Variants in SOX5 observed in about 807,000 individuals in gnomAD.
The protein encoded by SOX5 is transcription factor SOX-5.
A neutral mutation model predicts 92.0 loss-of-function variants in SOX5; 9 were observed. The ratio of observed to expected loss-of-function variants is 0.10; its 90% confidence interval spans 0.06 to 0.17. The LOEUF (loss-of-function observed/expected upper bound fraction) is 0.17. SOX5 is among the 10% of genes least tolerant of loss of function. The probability of loss-of-function intolerance (pLI) is 1.00; values close to 1 mark genes in which losing one functional copy is unlikely to be tolerated. For missense variants in SOX5, 642 were observed against 944.5 expected, an observed-to-expected ratio of 0.68 and a Z score of 4.20; for synonymous variants, 344 against 336.3, an observed-to-expected ratio of 1.02 and a Z score of -0.25.
intron 1 of SOX5, among the ~76,000 whole-genome samples, chr12:24,384,989 A>C (rs968622591): frequency 6.6e-6 from 1 of 152,150 alleles, no homozygotes; most frequent in Non-Finnish European, 1.5e-5. Flanking sequence ...TCACAAGAAG[A>C]AAGCTGAATC....
intron 5 of SOX5, among the ~76,000 whole-genome samples, chr12:23,735,559 A>T (rs899525468): frequency 6.6e-6 from 1 of 152,026 alleles, no homozygotes; most frequent in African/African-American, 2.4e-5. Context: ...TCAATTTTAG[A>T]CTTTGTTCTT....
intron 4 of SOX5, among the ~76,000 whole-genome samples, chr12:23,999,008 G>A (rs997239370): frequency 7.2e-5 from 11 of 151,866 alleles, no homozygotes; most frequent in African/African-American, 2.4e-4. Flanking sequence ...AATTTTAAAA[G>A]CACCAAGAGG....
intron 4 of SOX5, among the ~76,000 whole-genome samples, chr12:24,118,627 A>C (rs924028278): frequency 1.3e-5 from 2 of 152,132 alleles, no homozygotes; most frequent in Non-Finnish European, 2.9e-5. Context: ...GTAATTATTC[A>C]ATTGTAGGCA....
intron 1 of SOX5, among the ~76,000 whole-genome samples, chr12:24,549,559 G>A (rs1489823771): frequency 6.6e-6 from 1 of 152,220 alleles, no homozygotes; most frequent in Non-Finnish European, 1.5e-5. Flanking sequence ...GGTGTCAGAA[G>A]TGGCTTTTGT....
At chr12:24,336,216 C>T (rs1358933368) in intron 2 of SOX5, among the ~76,000 whole-genome samples, 3 of 151,116 alleles carry the variant, frequency 2.0e-5, no homozygotes, top group Middle Eastern at 3.2e-3. Context: ...TGCCTCAGCC[C>T]CCTGAGTAGC....
chr12:23,618,650 G>C (rs1446037002), intron 8 of SOX5, among the ~76,000 whole-genome samples: 1 of 152,102 alleles, frequency 6.6e-6, no homozygotes, highest in African/African-American at 2.4e-5. Flanking sequence ...CTATTTCAGG[G>C]ATCACCATAA....
At chr12:24,277,219 T>C (rs1944540039) in exon 3 of SOX5, 1 of 151,646 alleles carries the variant, frequency 6.6e-6, no homozygotes, top group Admixed American at 6.6e-5. Flanking sequence ...AATATACCTT[T>C]TTCCTACCCA....
intron 4 of SOX5, among the ~76,000 whole-genome samples, chr12:23,985,563 A>C (rs2136207268): frequency 6.6e-6 from 1 of 152,334 alleles, no homozygotes; most frequent in South Asian, 2.1e-4. Flanking sequence ...GGTTCTGCAT[A>C]AGAAACAAAC....
intron 4 of SOX5, among the ~76,000 whole-genome samples, chr12:24,097,072 G>C (rs1945510815): frequency 6.6e-6 from 1 of 152,072 alleles, no homozygotes; most frequent in African/African-American, 2.4e-5. Context: ...TTTAAATTCT[G>C]ACTGTCCTAG....
At chr12:23,863,763 G>T (rs1041969593) in intron 2 of SOX5, among the ~76,000 whole-genome samples, 10 of 149,286 alleles carry the variant, frequency 6.7e-5, no homozygotes, top group Non-Finnish European at 1.5e-4. Context: ...GAGCTATTTT[G>T]TCAACTCCTA....
chr12:24,334,080 T>A lies in SOX5; in HGVS notation c.-174+34483A>T, dbSNP rs150403228. 6.3e-4 allele frequency among the ~76,000 whole-genome samples: 95 copies of A among 151,568 alleles called. 1 individual carries two copies. Among genetic ancestry groups the A allele is most frequent in the African/African-American group, 2.2e-3 (93 of 41,512 alleles). ...GGGAATACAGTTATTTGGGAAATAC[T>A]CATACTATATACTATATACCAAATT... On this transcript the variant is annotated intron_variant, in intron 2 of 4. Coordinates refer to the SOX5 transcript ENST00000446891.
chr12:23,829,018 A>G (rs1049919221), intron 3 of SOX5, among the ~76,000 whole-genome samples: 1 of 151,940 alleles, frequency 6.6e-6, no homozygotes, highest in Admixed American at 6.6e-5. Flanking sequence ...GGAGTCCTTG[A>G]GGTGTCAGAA....
intron 2 of SOX5, among the ~76,000 whole-genome samples, chr12:23,890,024 A>T (rs988677636): frequency 1.3e-5 from 2 of 152,214 alleles, no homozygotes; most frequent in Admixed American, 6.5e-5. Context: ...ATTATTTTTT[A>T]AAATAAAAAT....
intron 1 of SOX5, among the ~76,000 whole-genome samples, chr12:23,914,186 A>AT (rs555587142): frequency 7.2e-4 from 109 of 151,828 alleles, no homozygotes; most frequent in South Asian, 5.6e-3. Flanking sequence ...ATGAAGTCTA[A>AT]TTTTTTTTTA....
chr12:24,409,281 T>C (rs1320135222), intron 1 of SOX5, among the ~76,000 whole-genome samples: 5 of 151,922 alleles, frequency 3.3e-5, no homozygotes, highest in Non-Finnish European at 5.9e-5. Context: ...GAGTTGAACA[T>C]TGAGAACACA....
chr12:23,778,774 G>A (rs555252359), intron 3 of SOX5, among the ~76,000 whole-genome samples: 2 of 152,184 alleles, frequency 1.3e-5, no homozygotes, highest in African/African-American at 4.8e-5. Flanking sequence ...AAAAATGAGA[G>A]GAAAATTATC....
chr12:24,471,159 A>C (rs1417126770), intron 1 of SOX5, among the ~76,000 whole-genome samples: 2 of 152,168 alleles, frequency 1.3e-5, no homozygotes, highest in Non-Finnish European at 2.9e-5. Flanking sequence ...AAGTTTCTAC[A>C]CATCCTTAGA....
intron 1 of SOX5, among the ~76,000 whole-genome samples, chr12:24,521,176 TC>T (rs1950230973): frequency 6.6e-6 from 1 of 152,168 alleles, no homozygotes; most frequent in South Asian, 2.1e-4. Flanking sequence ...TGCCTCAGCC[TC>T]CCAAGTAGCT....
intron 2 of SOX5, among the ~76,000 whole-genome samples, chr12:24,284,682 G>C (rs987549588): frequency 1.3e-5 from 2 of 152,144 alleles, no homozygotes; most frequent in Admixed American, 1.3e-4. Context: ...TCCAGCTGCA[G>C]TCCAGTGACC....
Sources: gnomAD v4.1 joint callset for allele counts (sites outside exome capture counted in the v4.1 genomes callset) on GRCh38, gnomAD v4.1.1 for gene constraint, MANE v1.5 for transcripts, NCBI Gene and HGNC (gene_info 2026-07-23, HGNC 2026-07-21) for gene names.